Variants in FAM135A observed in about 807,000 individuals in gnomAD.
The protein encoded by FAM135A is family with sequence similarity 135 member A.
In FAM135A, 79 loss-of-function variants were observed where a neutral mutation model predicts 146.8. That is an observed-to-expected ratio of 0.54 (90% CI 0.45 to 0.65). FAM135A has a LOEUF of 0.65. Among genes scored for constraint, FAM135A ranks in the 30% least tolerant of loss-of-function variants. The pLI is 0.00. For missense variants in FAM135A, 1,623 were observed against 1,758.2 expected (o/e 0.92, Z 1.38); for synonymous variants, 562 against 603.6 (o/e 0.93, Z 1.01).
chr6:70,460,848 CTT>C (rs780821553), intron 5 of FAM135A, among the ~76,000 whole-genome samples: 2,738 of 134,728 alleles, frequency 0.02, 91 homozygotes, highest in African/African-American at 0.073. Flanking sequence ...AGATAGCTAT[CTT>C]TTTTTTTTTT....
chr6:70,465,824 A>G (rs1213279632), intron 5 of FAM135A, among the ~76,000 whole-genome samples: 3 of 152,240 alleles, frequency 2.0e-5, no homozygotes, highest in Non-Finnish European at 4.4e-5. Context: ...TAATACTAAC[A>G]TGAAGTAAGA....
chr6:70,479,290 T>A (rs1263813923), intron 8 of FAM135A, among the ~76,000 whole-genome samples: 1 of 152,166 alleles, frequency 6.6e-6, no homozygotes, highest in Non-Finnish European at 1.5e-5. Context: ...CAGCAATTTT[T>A]GCCACAGACT....
chr6:70,449,135 A>C (rs188941393), intron 4 of FAM135A, among the ~76,000 whole-genome samples: 55 of 152,304 alleles, frequency 3.6e-4, no homozygotes, highest in Admixed American at 9.1e-4. Flanking sequence ...TTCATATTTT[A>C]AAATTTTTTT....
intron 20 of FAM135A, among the ~76,000 whole-genome samples, chr6:70,545,096 T>C (rs893371187): frequency 1.3e-5 from 2 of 150,688 alleles, no homozygotes; most frequent in Non-Finnish European, 3.0e-5. Context: ...AAACCACGAG[T>C]ATTATAGATT....
intron 4 of FAM135A, among the ~76,000 whole-genome samples, chr6:70,447,521 C>T (rs1022540930): frequency 1.3e-5 from 2 of 152,216 alleles, no homozygotes; most frequent in African/African-American, 4.8e-5. Flanking sequence ...GCAGGGGTTC[C>T]TCAGGCAGAA....
intron 4 of FAM135A, among the ~76,000 whole-genome samples, chr6:70,441,685 A>AT (rs201530248): frequency 0.16 from 22,580 of 140,914 alleles, 1,948 homozygotes; most frequent in Middle Eastern, 0.2. Context: ...GCATTAGCAA[A>AT]TTTTTTTTTT....
chr6:70,502,720 C>G lies in FAM135A; in HGVS notation c.958C>G (p.Gln320Glu), dbSNP rs753000680. The change falls in exon 12 of 22, where the codon CAG becomes GAG. Residue 320 changes from glutamine (Q) to glutamate (E), a missense_variant. By Grantham distance (29) the Gln-to-Glu change is conservative. This residue lies in a region of FAM135A where 206 missense variants were observed against 194.7 expected (regional missense o/e 1.06). Transcript: ENST00000418814. ...LCSLLMALWG[Q>E]FLEVITLHEE... ...CTCACTTTTGATGGCTTTATGGGGACAGTTTCTGGAAGTTATAACGCTACA... is the reference window on the plus strand; with the variant it reads ...CTCACTTTTGATGGCTTTATGGGGAGAGTTTCTGGAAGTTATAACGCTACA... 1 of 1,613,016 alleles carries G rather than the reference C, an allele frequency of 6.2e-7. No individual in the cohort carries two copies. Among genetic ancestry groups the G allele is most frequent in the African/African-American group, 1.3e-5 (1 of 74,806 alleles).
intron 10 of FAM135A, 40 bp downstream of exon 10, chr6:70,482,194 C>A (rs1011543244): frequency 5.0e-6 from 8 of 1,600,106 alleles, no homozygotes; most frequent in South Asian, 4.5e-5. Context: ...CAGTTCAAAT[C>A]ATTCTCTTCA....
chr6:70,460,980 C>T (rs564554924), intron 5 of FAM135A, among the ~76,000 whole-genome samples: 20 of 151,770 alleles, frequency 1.3e-4, no homozygotes, highest in African/African-American at 3.6e-4. Context: ...CGCACCACCA[C>T]GCCTGACTGA....
intron 4 of FAM135A, among the ~76,000 whole-genome samples, chr6:70,442,238 G>GTTTTTTTTTTTTTT (rs147268217): frequency 1.5e-5 from 2 of 136,410 alleles, no homozygotes; most frequent in Non-Finnish European, 1.6e-5. Context: ...TTTCTTCATG[G>GTTTTTTTTTTTTTT]GTTTTTTTTT....
intron 8 of FAM135A, among the ~76,000 whole-genome samples, chr6:70,477,919 T>G (rs746489921): frequency 1.2e-4 from 18 of 152,154 alleles, no homozygotes; most frequent in Non-Finnish European, 2.5e-4. Flanking sequence ...CCCAAATAAG[T>G]TAACAAAGAA....
intron 5 of FAM135A, among the ~76,000 whole-genome samples, chr6:70,459,703 T>G (rs1008675717): frequency 1.3e-5 from 2 of 152,186 alleles, no homozygotes; most frequent in African/African-American, 2.4e-5. Flanking sequence ...GAAAAAAATT[T>G]TTTATCAAAA....
chr6:70,558,706 T>C (rs1801376958), intron 21 of FAM135A, among the ~76,000 whole-genome samples: 1 of 152,112 alleles, frequency 6.6e-6, no homozygotes, highest in Non-Finnish European at 1.5e-5. Flanking sequence ...TGGTCCCAGC[T>C]ACTTGGGAGG....
intron 5 of FAM135A, among the ~76,000 whole-genome samples, chr6:70,460,144 G>T (rs9455121): frequency 0.2 from 30,688 of 152,060 alleles, 3,395 homozygotes; most frequent in African/African-American, 0.29. Flanking sequence ...TACCTCCATA[G>T]GGACATTGTC....
chr6:70,449,871 T>A (rs556803521), intron 4 of FAM135A, among the ~76,000 whole-genome samples: 3 of 152,358 alleles, frequency 2.0e-5, no homozygotes, highest in Non-Finnish European at 4.4e-5. Flanking sequence ...TAATTTACAT[T>A]CTCACCAATA....
intron 2 of FAM135A, among the ~76,000 whole-genome samples, chr6:70,418,061 A>G (rs937522189): frequency 1.3e-5 from 2 of 152,212 alleles, no homozygotes; most frequent in Non-Finnish European, 2.9e-5. Context: ...GCAATATGGC[A>G]TATGGCTGGC....
At chr6:70,459,259 A>G (rs553238991) in intron 5 of FAM135A, among the ~76,000 whole-genome samples, 53 of 152,232 alleles carry the variant, frequency 3.5e-4, no homozygotes, top group African/African-American at 1.3e-3. Flanking sequence ...CCTTCTGTAT[A>G]TTTTGAGAAA....
intron 5 of FAM135A, among the ~76,000 whole-genome samples, chr6:70,474,293 A>G (rs934269057): frequency 2.6e-5 from 4 of 151,610 alleles, no homozygotes; most frequent in South Asian, 4.2e-4. Context: ...TTTTTTCTCT[A>G]GTTTCAATTG....
At chr6:70,516,170 A>C (rs1009412872) in intron 12 of FAM135A, among the ~76,000 whole-genome samples, 1 of 152,182 alleles carries the variant, frequency 6.6e-6, no homozygotes, top group African/African-American at 2.4e-5. Flanking sequence ...TTAAAATAGA[A>C]GTTTTCAGCC....
Sources: gnomAD v4.1 joint callset for allele counts (sites outside exome capture counted in the v4.1 genomes callset) on GRCh38, gnomAD v4.1.1 for gene constraint, gnomAD v4.1.1 regional missense constraint, MANE v1.5 for transcripts, NCBI Gene and HGNC (gene_info 2026-07-23, HGNC 2026-07-21) for gene names.